Variants in SGCZ observed in about 807,000 individuals in gnomAD.
SGCZ encodes the protein sarcoglycan zeta.
SGCZ carries 40 observed loss-of-function variants against 41.3 expected under a neutral mutation model. The ratio of observed to expected loss-of-function variants is 0.97; its 90% confidence interval spans 0.75 to 1.26. SGCZ has a LOEUF of 1.26. SGCZ is among the 50% of genes most tolerant of loss of function. The pLI is 0.00. For synonymous variants in SGCZ, 206 were observed against 137.5 expected, an observed-to-expected ratio of 1.50 and a Z score of -3.49; for missense variants, 552 against 369.8, an observed-to-expected ratio of 1.49 and a Z score of -4.04.
At chr8:14,131,728 A>C (rs1202229445) in intron 5 of SGCZ, among the ~76,000 whole-genome samples, 1 of 152,224 alleles carries the variant, frequency 6.6e-6, no homozygotes, top group African/African-American at 2.4e-5. Context: ...CATGAAACAG[A>C]TAACATTTTA....
intron 1 of SGCZ, among the ~76,000 whole-genome samples, chr8:14,579,531 T>C (rs988132801): frequency 9.2e-5 from 14 of 152,234 alleles, no homozygotes; most frequent in African/African-American, 2.4e-4. Flanking sequence ...ACTATTAAAG[T>C]TAATTAAACT....
At chr8:14,440,734 T>C (rs865834369) in intron 2 of SGCZ, among the ~76,000 whole-genome samples, 2 of 75,244 alleles carry the variant, frequency 2.7e-5, no homozygotes, top group Non-Finnish European at 6.7e-5. Flanking sequence ...CGTATATGTA[T>C]ATATGTATAT....
At position 14,887,833 on chromosome 8, in the gene SGCZ, C is replaced by A. The variant is rs150029474; in HGVS notation, c.40-332907G>T. On this transcript the variant is annotated intron_variant, in intron 1 of 7. Coordinates refer to ENST00000382080, the MANE Select transcript of SGCZ (RefSeq NM_139167.4). ...GGCTTATCTCATTTTCCCTAATATA[C>A]TCCAGATTCATCCATATAGTTGCAA... 9.2e-3 allele frequency among the ~76,000 whole-genome samples: 1,407 copies of A among 152,222 alleles called. 16 individuals carry two copies. Among genetic ancestry groups the A allele is most frequent in the African/African-American group, 0.032 (1,321 of 41,546 alleles).
intron 1 of SGCZ, among the ~76,000 whole-genome samples, chr8:14,590,911 A>G (rs1805219950): frequency 6.7e-6 from 1 of 149,812 alleles, no homozygotes; most frequent in African/African-American, 2.4e-5. Context: ...AAGTACATAC[A>G]CTATATATGT....
chr8:14,223,864 G>C (rs1325588355), intron 4 of SGCZ, among the ~76,000 whole-genome samples: 1 of 152,092 alleles, frequency 6.6e-6, no homozygotes, highest in Non-Finnish European at 1.5e-5. Flanking sequence ...ATGAATATTA[G>C]TATTACTAAT....
chr8:15,129,547 C>G (rs1807822240), intron 1 of SGCZ, among the ~76,000 whole-genome samples: 1 of 152,024 alleles, frequency 6.6e-6, no homozygotes, highest in East Asian at 1.9e-4. Context: ...TTGTCAGAAA[C>G]TCACAAGCAA....
intron 2 of SGCZ, among the ~76,000 whole-genome samples, chr8:14,355,409 C>G (rs1013497200): frequency 1.3e-5 from 2 of 152,166 alleles, no homozygotes; most frequent in Admixed American, 1.3e-4. Context: ...TTGCACAAAT[C>G]TAACAGAGAC....
chr8:14,610,103 G>A (rs113093124), intron 1 of SGCZ, among the ~76,000 whole-genome samples: 10 of 152,244 alleles, frequency 6.6e-5, no homozygotes, highest in African/African-American at 2.4e-4. Context: ...GGAAATCTTT[G>A]GGGAGGCAAA....
At chr8:14,520,577 G>A (rs1331508437) in intron 2 of SGCZ, among the ~76,000 whole-genome samples, 1 of 152,000 alleles carries the variant, frequency 6.6e-6, no homozygotes, top group Non-Finnish European at 1.5e-5. Flanking sequence ...TAATTGTACT[G>A]AAAAAATAAT....
intron 1 of SGCZ, among the ~76,000 whole-genome samples, chr8:14,831,679 T>G (rs576357807): frequency 6.6e-6 from 1 of 152,002 alleles, no homozygotes; most frequent in Non-Finnish European, 1.5e-5. Flanking sequence ...TGTCTCAGTA[T>G]ACAATTATAC....
rs1257092795 is a variant in SGCZ at position 14,600,566 on chromosome 8, G to A, written c.40-45640C>T. Among the ~76,000 whole-genome samples the A allele has an allele frequency of 2.0e-5, 3 of 152,240 alleles. No individual in the cohort carries two copies. In the South Asian group the frequency reaches 6.2e-4, roughly 32 times the overall value. On this transcript the variant is annotated intron_variant, in intron 1 of 7. Transcript: ENST00000382080. ...GAAAATATGGATTCCTATTAGCCAA[G>A]CACAATTCTCCACAGGAGGATGCAG...
intron 1 of SGCZ, among the ~76,000 whole-genome samples, chr8:14,700,481 G>A (rs1809101106): frequency 6.6e-6 from 1 of 151,792 alleles, no homozygotes; most frequent in Non-Finnish European, 1.5e-5. Context: ...AGGAGATGGG[G>A]GAGGGTTGAA....
intron 1 of SGCZ, among the ~76,000 whole-genome samples, chr8:14,748,335 A>T (rs1030441425): frequency 6.6e-6 from 1 of 152,190 alleles, no homozygotes; most frequent in Admixed American, 6.6e-5. Flanking sequence ...ATACTATCTC[A>T]AAATTATTTA....
chr8:15,044,733 A>T (rs1804238319), intron 1 of SGCZ, among the ~76,000 whole-genome samples: 1 of 152,024 alleles, frequency 6.6e-6, no homozygotes, highest in African/African-American at 2.4e-5. Flanking sequence ...AATGATGATT[A>T]GGAGTTAATT....
chr8:15,225,740 A>T (rs1291437212), intron 1 of SGCZ, among the ~76,000 whole-genome samples: 1 of 152,202 alleles, frequency 6.6e-6, no homozygotes, highest in Non-Finnish European at 1.5e-5. Flanking sequence ...GGCTGGACAG[A>T]GGGAAAGTAG....
chr8:14,753,304 G>T (rs1195927270), intron 1 of SGCZ, among the ~76,000 whole-genome samples: 1 of 152,016 alleles, frequency 6.6e-6, no homozygotes, highest in East Asian at 1.9e-4. Flanking sequence ...CATTCTCCCT[G>T]CCCCACAGGT....
At position 14,198,028 on chromosome 8, in the gene SGCZ, T is replaced by C. The variant is rs1377367442; in HGVS notation, c.425-33326A>G. ...GGAAAGGGATTATTAGGAATTAAACTTAATATTTTTATAGCACAATAATAC... is the reference window on the plus strand; with the variant it reads ...GGAAAGGGATTATTAGGAATTAAACCTAATATTTTTATAGCACAATAATAC... On this transcript the variant is annotated intron_variant, in intron 4 of 7. Coordinates refer to ENST00000382080, the MANE Select transcript of SGCZ (RefSeq NM_139167.4). Among the ~76,000 whole-genome samples, 6 of 152,340 alleles carry C rather than the reference T, an allele frequency of 3.9e-5. No homozygotes were observed. In the East Asian group the frequency reaches 1.2e-3, roughly 29 times the overall value.
intron 1 of SGCZ, among the ~76,000 whole-genome samples, chr8:15,074,843 C>T (rs139699155): frequency 1.3e-5 from 2 of 152,266 alleles, no homozygotes; most frequent in African/African-American, 4.8e-5. Context: ...CTTATGCAGT[C>T]ACTCACCCCC....
intron 1 of SGCZ, among the ~76,000 whole-genome samples, chr8:15,152,323 A>G (rs1157239366): frequency 2.0e-5 from 3 of 152,206 alleles, no homozygotes; most frequent in South Asian, 2.1e-4. Flanking sequence ...GATAAGTGGA[A>G]GTTTCAAGCT....
Sources: allele counts gnomAD v4.1 joint callset (sites outside exome capture counted in the v4.1 genomes callset), GRCh38; gene constraint gnomAD v4.1.1; transcripts MANE v1.5; gene names NCBI Gene and HGNC (gene_info 2026-07-23, HGNC 2026-07-21).